The following SEC24A variants were observed in gnomAD, a reference collection of about 807,000 sequenced individuals.
SEC24A encodes protein transport protein Sec24A.
A neutral mutation model predicts 129.4 loss-of-function variants in SEC24A; 93 were observed. The ratio of observed to expected loss-of-function variants is 0.72; its 90% CI spans 0.61 to 0.85. The LOEUF (loss-of-function observed/expected upper bound fraction) is 0.85, where lower values mean the gene tolerates loss of function less well. SEC24A is among the 40% of genes least tolerant of loss of function. The pLI is 0.00. For missense variants in SEC24A, 1,264 were observed against 1,307.4 expected (o/e 0.97, Z 0.51); for synonymous variants, 460 against 467.3 (o/e 0.98, Z 0.20).
At chr5:134,649,206 GC>G in intron 1 of SEC24A, 33 bp downstream of exon 1, 1 of 1,508,264 alleles carries the variant, frequency 6.6e-7, no homozygotes, top group Non-Finnish European at 9.1e-7. Flanking sequence ...GCGCAGCCTG[GC>G]CAGGGCTGAC....
chr5:134,687,845 A>G (rs886756033), intron 10 of SEC24A, among the ~76,000 whole-genome samples: 4 of 152,208 alleles, frequency 2.6e-5, no homozygotes, highest in African/African-American at 9.6e-5. Context: ...AGCATGCTTT[A>G]TAACTTAAAA....
At chr5:134,683,061 C>A (rs193026469) in intron 9 of SEC24A, among the ~76,000 whole-genome samples, 1 of 151,526 alleles carries the variant, frequency 6.6e-6, no homozygotes, top group African/African-American at 2.4e-5. Flanking sequence ...CTCACTCTGT[C>A]ACCCAGGCTG....
intron 13 of SEC24A, among the ~76,000 whole-genome samples, chr5:134,695,315 C>T (rs1751785920): frequency 6.6e-6 from 1 of 151,456 alleles, no homozygotes; most frequent in African/African-American, 2.4e-5. Context: ...GCAGTGAGAT[C>T]GTGCCACTAC....
At chr5:134,665,214 C>T (rs915592297) in intron 2 of SEC24A, among the ~76,000 whole-genome samples, 29 of 151,500 alleles carry the variant, frequency 1.9e-4, no homozygotes, top group Admixed American at 9.9e-4. Flanking sequence ...TTTGAGAGGC[C>T]GAGGCGGGTG....
Position 134,675,223 on chromosome 5 carries a change from G to T in SEC24A, c.1151+6G>T, listed in dbSNP as rs374983730. ...AAACTCAACTGTAACCCAGAGTAAG[G>T]CTTCAGATGTGACATTATGCATGTC... On this transcript the variant is annotated splice_donor_region_variant and intron_variant, in intron 6 of 22. Transcript: ENST00000398844. The T allele has an allele frequency of 1.6e-5, 26 of 1,602,948 alleles. No individual in the cohort carries two copies. Among genetic ancestry groups the T allele is most frequent in the Non-Finnish European group, 2.1e-5 (25 of 1,172,240 alleles).
chr5:134,724,887 A>G, intron 22 of SEC24A, 93 bp from the exon 23 acceptor site: 1 of 687,260 alleles, frequency 1.5e-6, no homozygotes, highest in Non-Finnish European at 2.6e-6. Context: ...TATATAGTAA[A>G]TGTTATTAGG....
intron 15 of SEC24A, among the ~76,000 whole-genome samples, chr5:134,698,396 G>T (rs1171527492): frequency 6.6e-6 from 1 of 152,112 alleles, no homozygotes; most frequent in Non-Finnish European, 1.5e-5. Context: ...TTGAGCCCAG[G>T]AATTAGAGAC....
At chr5:134,715,625 G>A in intron 19 of SEC24A, 1 of 156,736 alleles carries the variant, frequency 6.4e-6, no homozygotes, top group Non-Finnish European at 1.4e-5. Flanking sequence ...CTCATAAGTG[G>A]GAGTTGAACA....
At chr5:134,692,906 G>C in intron 12 of SEC24A, 1 of 811,708 alleles carries the variant, frequency 1.2e-6, no homozygotes, top group Non-Finnish European at 2.0e-6. Flanking sequence ...AGGAACACTT[G>C]AAGGAAATCT....
At chr5:134,663,089 C>T (rs1750529679) in intron 2 of SEC24A, among the ~76,000 whole-genome samples, 1 of 151,936 alleles carries the variant, frequency 6.6e-6, no homozygotes, top group African/African-American at 2.4e-5. Context: ...TTCTGTTTTG[C>T]TTTTTATTTT....
chr5:134,691,720 T>A (rs1751659998), intron 11 of SEC24A, among the ~76,000 whole-genome samples: 1 of 151,402 alleles, frequency 6.6e-6, no homozygotes. Context: ...CTCCTGACCT[T>A]GTGATCCGCC....
intron 19 of SEC24A, among the ~76,000 whole-genome samples, chr5:134,716,517 G>C (rs1752481121): frequency 6.6e-6 from 1 of 151,000 alleles, no homozygotes; most frequent in Admixed American, 6.6e-5. Flanking sequence ...TTAATATGTG[G>C]GCCAGGCGCA....
At chr5:134,670,911 C>A (rs1341758010) in intron 3 of SEC24A, among the ~76,000 whole-genome samples, 5 of 151,940 alleles carry the variant, frequency 3.3e-5, no homozygotes, top group Admixed American at 6.6e-5. Context: ...ATCCCTTGAA[C>A]CCAGGAGGTG....
intron 21 of SEC24A, 48 bp from the exon 22 acceptor site, chr5:134,723,519 T>C (rs1195116116): frequency 8.8e-7 from 1 of 1,132,668 alleles, no homozygotes; most frequent in South Asian, 1.3e-5. Flanking sequence ...AGACCATACA[T>C]TAGATATGTA....
At chr5:134,678,816 G>A (rs1297243926) in intron 7 of SEC24A, among the ~76,000 whole-genome samples, 2 of 152,024 alleles carry the variant, frequency 1.3e-5, no homozygotes, top group Non-Finnish European at 2.9e-5. Flanking sequence ...TCCTGACCTC[G>A]CGTTCCACCC....
intron 15 of SEC24A, among the ~76,000 whole-genome samples, chr5:134,700,094 A>C (rs527377974): frequency 6.6e-6 from 1 of 151,992 alleles, no homozygotes; most frequent in East Asian, 1.9e-4. Flanking sequence ...CTGCTGCACA[A>C]ATTGAGTTTT....
At chr5:134,675,880 G>T in intron 6 of SEC24A, 143 bp from the exon 7 acceptor site, 1 of 537,822 alleles carries the variant, frequency 1.9e-6, no homozygotes. Context: ...ATATTTAAAT[G>T]GGATAAAATT....
At position 134,703,742 on chromosome 5, in the gene SEC24A, A is replaced by C; in HGVS notation, c.2267-17A>C. 1 of 1,565,132 alleles carries C rather than the reference A, an allele frequency of 6.4e-7. No homozygotes were observed. The highest frequency in any genetic ancestry group is 8.8e-7 in the Non-Finnish European group (1 of 1,138,548). ...GTAGGTATATAAAAATAATTTTGTT[A>C]CCTTTTTCTCTTCTAGGTCTTTCCA... On this transcript the variant is annotated splice_polypyrimidine_tract_variant and intron_variant, in intron 15 of 22. Transcript: ENST00000398844.
chr5:134,719,937 A>T (rs1752583802), intron 20 of SEC24A, among the ~76,000 whole-genome samples: 3 of 152,294 alleles, frequency 2.0e-5, no homozygotes, highest in Non-Finnish European at 4.4e-5. Flanking sequence ...GTGAGCCAAG[A>T]TCGTGCCATT....
Sources: allele counts gnomAD v4.1 joint callset (sites outside exome capture counted in the v4.1 genomes callset), GRCh38; gene constraint gnomAD v4.1.1; transcripts MANE v1.5; gene names NCBI Gene and HGNC (gene_info 2026-07-23, HGNC 2026-07-21).